Variants in BAZ1A observed in about 807,000 individuals in gnomAD.
BAZ1A encodes the protein bromodomain adjacent to zinc finger domain protein 1A.
A neutral mutation model predicts 185.2 loss-of-function variants in BAZ1A; 50 were observed. The observed-to-expected ratio is 0.27, with a 90% CI of 0.22 to 0.34. BAZ1A has a LOEUF of 0.34. Among genes scored for constraint, BAZ1A ranks in the 10% least tolerant of loss-of-function variants. BAZ1A has a pLI of 1.00. For missense variants in BAZ1A, 1,356 were observed against 1,839.9 expected (o/e 0.74, Z 4.81); for synonymous variants, 571 against 615.6 (o/e 0.93, Z 1.07).
At chr14:34,833,747 A>C (rs563970808) in intron 3 of BAZ1A, among the ~76,000 whole-genome samples, 1 of 152,274 alleles carries the variant, frequency 6.6e-6, no homozygotes, top group South Asian at 2.1e-4. Context: ...GGGATGATGA[A>C]AAAGTTCTGG....
chr14:34,796,665 CAG>C (rs1241652554), intron 9 of BAZ1A, among the ~76,000 whole-genome samples: 1 of 152,172 alleles, frequency 6.6e-6, no homozygotes, highest in Non-Finnish European at 1.5e-5. Context: ...TCTAATAAAA[CAG>C]TGTAAATCAA....
chr14:34,861,938 G>C (rs1049362556), intron 3 of BAZ1A, 106 bp downstream of exon 3: 25 of 1,291,110 alleles, frequency 1.9e-5, no homozygotes, highest in Middle Eastern at 2.6e-4. Flanking sequence ...AGAATAGCTA[G>C]AGCATAGTAA....
chr14:34,810,554 C>T (rs539447142), intron 5 of BAZ1A, among the ~76,000 whole-genome samples: 17 of 152,046 alleles, frequency 1.1e-4, no homozygotes, highest in Admixed American at 3.9e-4. Context: ...TAAATAGGAC[C>T]CTTTTTAATT....
chr14:34,798,767 T>C (rs575229498), intron 9 of BAZ1A, among the ~76,000 whole-genome samples: 3 of 152,258 alleles, frequency 2.0e-5, no homozygotes, highest in East Asian at 3.9e-4. Context: ...GAAATAGGAA[T>C]GCTTTTACAC....
chr14:34,843,069 C>T (rs2042442822), intron 3 of BAZ1A, among the ~76,000 whole-genome samples: 1 of 149,516 alleles, frequency 6.7e-6, no homozygotes, highest in Admixed American at 6.7e-5. Flanking sequence ...AAATGACATA[C>T]AGCAAGTTTC....
intron 7 of BAZ1A, among the ~76,000 whole-genome samples, chr14:34,801,591 C>T (rs772997214): frequency 7.9e-5 from 12 of 152,158 alleles, no homozygotes; most frequent in Non-Finnish European, 1.8e-4. Context: ...CCACTGTGCC[C>T]AGTCTAAAAT....
At chr14:34,835,776 A>G (rs919477948) in intron 3 of BAZ1A, among the ~76,000 whole-genome samples, 1 of 151,260 alleles carries the variant, frequency 6.6e-6, no homozygotes, top group Non-Finnish European at 1.5e-5. Flanking sequence ...GGTTCAAGCA[A>G]TTCTCCTGCC....
intron 2 of BAZ1A, among the ~76,000 whole-genome samples, chr14:34,866,728 A>G (rs1279577764): frequency 6.6e-6 from 1 of 151,968 alleles, no homozygotes; most frequent in Admixed American, 6.6e-5. Flanking sequence ...TAACTTAAAC[A>G]ATACTTAGTA....
chr14:34,780,620 A>T (rs1161777599), intron 16 of BAZ1A, among the ~76,000 whole-genome samples: 2 of 152,200 alleles, frequency 1.3e-5, no homozygotes, highest in Non-Finnish European at 2.9e-5. Context: ...GGAGATGGGG[A>T]GGAGTGTGTG....
At chr14:34,753,779 C>G in intron 26 of BAZ1A, 75 bp from the exon 27 acceptor site, 1 of 1,235,840 alleles carries the variant, frequency 8.1e-7, no homozygotes. Flanking sequence ...TGTATCATAT[C>G]TGGAAATTTT....
chr14:34,844,809 ACAC>A (rs1390034202), intron 3 of BAZ1A, among the ~76,000 whole-genome samples: 5 of 145,832 alleles, frequency 3.4e-5, no homozygotes, highest in East Asian at 2.0e-4. Context: ...ACACACACAC[ACAC>A]AAAATCCAAC....
chr14:34,845,479 C>T (rs1295694860), intron 3 of BAZ1A: 3 of 152,096 alleles, frequency 2.0e-5, no homozygotes, highest in Non-Finnish European at 4.4e-5. Flanking sequence ...TACTACAAGC[C>T]TCCTAGGCAG....
At chr14:34,858,952 G>C (rs1474427172) in intron 3 of BAZ1A, among the ~76,000 whole-genome samples, 1 of 152,170 alleles carries the variant, frequency 6.6e-6, no homozygotes, top group Admixed American at 6.6e-5. Flanking sequence ...TGGCATATTT[G>C]AGAAGCAGCA....
rs1204560398 is a variant in BAZ1A, at chr14:34,831,835, T to C, written c.393-5679A>G. ...TAAAAAATTGAAGGAAAAAAAAGAC[T>C]CAAATTACTAAAATCAGAAGTGAAA... On this transcript the variant is annotated intron_variant, in intron 3 of 26. Transcript: ENST00000360310. 3.9e-5 allele frequency among the ~76,000 whole-genome samples: 6 copies of C among 152,254 alleles called. No individual in the cohort carries two copies. In the East Asian group the frequency reaches 1.2e-3, roughly 29 times the overall value.
chr14:34,822,693 GTA>G lies in BAZ1A; in HGVS notation c.536+3318_536+3319del, dbSNP rs2042106076. Among the ~76,000 whole-genome samples the G allele has an allele frequency of 3.3e-5, 5 of 152,180 alleles. No individual in the cohort carries two copies. The South Asian group carries it at 1.0e-3, about 32-fold the overall frequency. ...TATCAAGGGTCTATTCCAAGTATCC[GTA>G]TACAAGGGATATGGCACAGTCTATT... On this transcript the variant is annotated intron_variant, in intron 4 of 26. Coordinates refer to ENST00000360310, the MANE Select transcript of BAZ1A (RefSeq NM_013448.3).
At chr14:34,862,631 A>G (rs780629343) in intron 2 of BAZ1A, among the ~76,000 whole-genome samples, 1 of 152,242 alleles carries the variant, frequency 6.6e-6, no homozygotes, top group Non-Finnish European at 1.5e-5. Context: ...AAAAAAGCTA[A>G]ATAAAGTAGT....
chr14:34,817,880 T>C (rs1441420173), intron 4 of BAZ1A, among the ~76,000 whole-genome samples: 1 of 152,184 alleles, frequency 6.6e-6, no homozygotes, highest in Non-Finnish European at 1.5e-5. Context: ...AACCCTCTGA[T>C]ACTGCAGGTG....
chr14:34,799,699 C>G (rs1566568892), intron 9 of BAZ1A, among the ~76,000 whole-genome samples: 1 of 151,922 alleles, frequency 6.6e-6, no homozygotes, highest in Non-Finnish European at 1.5e-5. Context: ...GTAACCTCCA[C>G]CTCCCATGTT....
At chr14:34,843,502 G>C (rs1332318620) in intron 3 of BAZ1A, among the ~76,000 whole-genome samples, 1 of 152,098 alleles carries the variant, frequency 6.6e-6, no homozygotes, top group Non-Finnish European at 1.5e-5. Flanking sequence ...GACATGTAAG[G>C]CTATCCTAGA....
Sources: allele counts gnomAD v4.1 joint callset (sites outside exome capture counted in the v4.1 genomes callset), GRCh38; gene constraint gnomAD v4.1.1; transcripts MANE v1.5; gene names NCBI Gene and HGNC (gene_info 2026-07-23, HGNC 2026-07-21).